NLRC5: variants seen among roughly 807,000 people sequenced by gnomAD.
NLRC5 encodes the protein NLR family CARD domain containing 5.
A neutral mutation model predicts 206.9 loss-of-function variants in NLRC5; 114 were observed. The ratio of observed to expected loss-of-function variants is 0.55; its 90% confidence interval spans 0.47 to 0.64. The LOEUF (loss-of-function observed/expected upper bound fraction) is 0.64, where lower values mean the gene tolerates loss of function less well. Ranked by LOEUF, NLRC5 falls within the 30% of genes least tolerant of loss-of-function variation. NLRC5 has a pLI of 0.00. For synonymous variants in NLRC5, 952 were observed against 962.8 expected (o/e 0.99, Z 0.21); for missense variants, 2,008 against 2,305.5 (o/e 0.87, Z 2.64).
chr16:57,039,903 T>G, intron 16 of NLRC5, 54 bp downstream of exon 16: 115 of 1,438,076 alleles, frequency 8.0e-5, no homozygotes, highest in Non-Finnish European at 1.1e-4. Context: ...TTCCCCTCTC[T>G]ACCCTCCACA....
intron 1 of NLRC5, among the ~76,000 whole-genome samples, chr16:57,006,659 T>G (rs1186588035): frequency 1.3e-5 from 2 of 151,876 alleles, no homozygotes; most frequent in African/African-American, 4.8e-5. Flanking sequence ...TCTTTTGCTA[T>G]TACAAGCAAG....
intron 29 of NLRC5, 188 bp from the exon 30 acceptor site, chr16:57,059,279 G>A: frequency 6.8e-7 from 1 of 1,463,696 alleles, no homozygotes; most frequent in Non-Finnish European, 9.0e-7. Flanking sequence ...AGGCCATGGG[G>A]TGGGAAGGCC....
intron 17 of NLRC5, chr16:57,041,268 A>G (rs7192652): frequency 0.54 from 286,596 of 532,304 alleles, 80,087 homozygotes; most frequent in East Asian, 0.82. Flanking sequence ...GTTTCCTTCC[A>G]TCTGTGTCTC....
At chr16:57,035,706 C>CA (rs1410465788) in intron 13 of NLRC5, among the ~76,000 whole-genome samples, 2 of 152,218 alleles carry the variant, frequency 1.3e-5, no homozygotes, top group Admixed American at 6.5e-5. Flanking sequence ...AAGTTTATCA[C>CA]AAAAAGCAAT....
At position 57,031,404 on chromosome 16, in the gene NLRC5, G is replaced by A. The variant is rs754401711; in HGVS notation, c.2418G>A (p.Arg806=). ...CATGGCTTGGTATCTGATCCTGCAG[G>A]GAGGCGGACCTCATCTTCCTTCTTT... ...TCPTVRMLQA[R]EADLIFLLSP... is the part of the protein sequence containing the mutation. Residue 806 remains arginine (R), a splice_region_variant and synonymous_variant, in exon 11 of 49, where the codon AGG becomes AGA. Coordinates refer to ENST00000688547, the MANE Select transcript of NLRC5 (RefSeq NM_001384950.1). 2.0e-5 allele frequency: 33 copies of A among 1,613,750 alleles called. No individual in the cohort carries two copies. Among genetic ancestry groups the A allele is most frequent in the Non-Finnish European group, 2.8e-5 (33 of 1,179,952 alleles).
chr16:57,022,608 C>A (rs551666948), intron 4 of NLRC5, among the ~76,000 whole-genome samples: 1 of 152,232 alleles, frequency 6.6e-6, no homozygotes, highest in Non-Finnish European at 1.5e-5. Context: ...GCCCGCAACC[C>A]GCAGGGCCTC....
intron 23 of NLRC5, chr16:57,048,156 CT>C (rs1167499802): frequency 2.6e-5 from 4 of 154,736 alleles, no homozygotes; most frequent in African/African-American, 9.6e-5. Flanking sequence ...TCAGCCTTTC[CT>C]TTTATTGTCA....
At chr16:57,061,981 A>G in intron 32 of NLRC5, 1 of 1,487,782 alleles carries the variant, frequency 6.7e-7, no homozygotes, top group East Asian at 2.7e-5. Flanking sequence ...ACTGAGGACA[A>G]AAATAAACTG....
Position 57,034,176 on chromosome 16 carries a change from A to G in NLRC5, c.2552A>G (p.Lys851Arg), listed in dbSNP as rs2062221920. The change falls in exon 13 of 49, where the codon AAG becomes AGG. Residue 851 changes from lysine to arginine, a missense_variant. Physicochemically the swap from Lys to Arg is conservative, Grantham distance 26. Coordinates refer to ENST00000688547, the MANE Select transcript of NLRC5 (RefSeq NM_001384950.1). ...CCCCACTCCTACCCAAGGCTGCAGA[A>G]GTGTCAGCTCCAGGTCCACGATGCG... The part of the protein sequence containing the change: ...QSRSLTLRLQ[K>R]CQLQVHDAEA... The G allele has an allele frequency of 6.2e-7, 1 of 1,613,974 alleles. No homozygotes were observed. Among genetic ancestry groups the G allele is most frequent in the African/African-American group, 1.3e-5 (1 of 75,036 alleles).
At chr16:57,078,690 T>C (rs1417738400) in intron 43 of NLRC5, among the ~76,000 whole-genome samples, 1 of 151,998 alleles carries the variant, frequency 6.6e-6, no homozygotes, top group Non-Finnish European at 1.5e-5. Context: ...AGGCTGGTCT[T>C]GGACTCCTGG....
At position 57,081,420 on chromosome 16, in the gene NLRC5, G is replaced by A. The variant is rs2069127138; in HGVS notation, c.5406-107G>A. 9 of 1,091,560 alleles carry A rather than the reference G, an allele frequency of 8.2e-6. 1 individual carries two copies. The Admixed American group carries it at 1.3e-4, about 16-fold the overall frequency. 67.6% of individuals were successfully genotyped at this position (1,091,560 alleles called of 1,614,324 possible). A position where few individuals can be genotyped will look rare whatever the true frequency, so the allele number is the denominator to read the frequency against. ...TGGGTTCCCTGAGAAGGTAGTGTGG[G>A]AGACTGTGTCCCCTGACCTTGGCCT... On this transcript the variant is annotated intron_variant, in intron 47 of 48. Transcript: ENST00000688547.
At chr16:57,023,109 G>C (rs976775198) in intron 4 of NLRC5, among the ~76,000 whole-genome samples, 1 of 152,172 alleles carries the variant, frequency 6.6e-6, no homozygotes, top group Non-Finnish European at 1.5e-5. Context: ...CCTGCTCCAG[G>C]GGCTGTTCCT....
chr16:57,066,974 C>A (rs1303788751), intron 34 of NLRC5, among the ~76,000 whole-genome samples: 1 of 142,226 alleles, frequency 7.0e-6, no homozygotes, highest in African/African-American at 2.4e-5. Context: ...CTCAGGGAGG[C>A]CCCCTGGACC....
intron 1 of NLRC5, chr16:56,991,873 C>CT (rs2056917816): frequency 6.6e-6 from 1 of 152,096 alleles, no homozygotes; most frequent in African/African-American, 2.4e-5. Context: ...TGCTGAAGGC[C>CT]TAACCCTCGG....
chr16:57,045,319 C>T (rs1261872490), intron 20 of NLRC5, 129 bp from the exon 21 acceptor site: 1 of 732,700 alleles, frequency 1.4e-6, no homozygotes, highest in Non-Finnish European at 2.4e-6. Flanking sequence ...GTTGCTTAAT[C>T]TATTCCTTGT....
At chr16:57,079,491 A>G (rs1354408231) in intron 45 of NLRC5, 55 bp from the exon 46 acceptor site, 30 of 1,504,802 alleles carry the variant, frequency 2.0e-5, no homozygotes, top group Admixed American at 5.0e-5. Flanking sequence ...AGGACCTGCT[A>G]GATCCCCTGA....
In NLRC5 at chr16:57,065,207, G is replaced by A; in HGVS notation, c.4155-5G>A. 3 of 1,518,190 alleles carry A rather than the reference G, an allele frequency of 2.0e-6. No homozygotes were observed. Among genetic ancestry groups the A allele is most frequent in the East Asian group, 2.5e-5 (1 of 39,608 alleles). The allele number at this position is 1,518,190 out of a possible 1,614,324, so 94.0% of individuals were successfully genotyped here. Reference sequence around the variant, plus strand: ...GGGCCTTATCTGTGTCCCCTTCTGTGACAGGGTGCAGGAGCCGTGGGCGGA... The same window carrying A: ...GGGCCTTATCTGTGTCCCCTTCTGTAACAGGGTGCAGGAGCCGTGGGCGGA... On this transcript the variant is annotated splice_polypyrimidine_tract_variant and splice_region_variant and intron_variant, in intron 32 of 48. Transcript: ENST00000688547.
In NLRC5 at chr16:57,079,206, T is replaced by A; in HGVS notation, c.5166-15T>A. 1 of 1,613,920 alleles carries A rather than the reference T, an allele frequency of 6.2e-7. No homozygotes were observed. The highest frequency in any genetic ancestry group is 1.1e-5 in the South Asian group (1 of 91,080). On this transcript the variant is annotated splice_polypyrimidine_tract_variant and intron_variant, in intron 44 of 48. Coordinates refer to ENST00000688547, the MANE Select transcript of NLRC5 (RefSeq NM_001384950.1). Reference sequence around the variant, plus strand: ...TCTGGGGGTTCCTCTCACAGGTATCTCCCCTACCCTGCAGCTTGGCGGAAA... The same window carrying A: ...TCTGGGGGTTCCTCTCACAGGTATCACCCCTACCCTGCAGCTTGGCGGAAA...
intron 1 of NLRC5, among the ~76,000 whole-genome samples, chr16:57,004,320 G>A (rs1455553881): frequency 2.0e-5 from 3 of 152,112 alleles, no homozygotes; most frequent in Non-Finnish European, 4.4e-5. Flanking sequence ...TCACAATGTT[G>A]CCCAGGCTCG....
Sources: allele counts gnomAD v4.1 joint callset (sites outside exome capture counted in the v4.1 genomes callset), GRCh38; gene constraint gnomAD v4.1.1; transcripts MANE v1.5; gene names NCBI Gene and HGNC (gene_info 2026-07-23, HGNC 2026-07-21).